KIF6: variants seen among roughly 807,000 people sequenced by gnomAD.
KIF6 encodes kinesin-like protein KIF6.
Under a neutral mutation model 112.7 loss-of-function variants are expected in KIF6, and 106 were observed. The ratio of observed to expected loss-of-function variants is 0.94; its 90% CI spans 0.80 to 1.11. KIF6 has a LOEUF of 1.11. Among genes scored for constraint, KIF6 ranks in the 50% least tolerant of loss-of-function variants. KIF6 has a pLI of 0.00. For synonymous variants in KIF6, 339 were observed against 339.9 expected (o/e 1.00, Z 0.03); for missense variants, 929 against 964.0 (o/e 0.96, Z 0.48).
chr6:39,369,870 C>T lies in KIF6; in HGVS notation c.1862-7352G>A, dbSNP rs1035358475. On this transcript the variant is annotated intron_variant, in intron 16 of 22. Transcript: ENST00000287152. ...TCTCCACGACTCCTTCTGCTGGAAC[C>T]CCAGATCCATCTTTTGGTTACTGGT... Among the ~76,000 whole-genome samples the T allele has an allele frequency of 4.6e-5, 7 of 152,304 alleles. No homozygotes were observed. The South Asian group carries it at 6.2e-4, about 14-fold the overall frequency.
intron 13 of KIF6, among the ~76,000 whole-genome samples, chr6:39,508,323 C>T: frequency 6.6e-6 from 1 of 151,914 alleles, no homozygotes; most frequent in East Asian, 1.9e-4. Context: ...TTCTGCATTT[C>T]CAGCTGGGGT....
intron 15 of KIF6, among the ~76,000 whole-genome samples, chr6:39,389,393 A>G (rs1767682479): frequency 6.6e-6 from 1 of 152,150 alleles, no homozygotes; most frequent in South Asian, 2.1e-4. Context: ...TGCCTCATTC[A>G]ACATGTTTAT....
At chr6:39,634,376 T>C (rs748860849) in intron 5 of KIF6, among the ~76,000 whole-genome samples, 29 of 152,146 alleles carry the variant, frequency 1.9e-4, no homozygotes, top group Non-Finnish European at 3.5e-4. Flanking sequence ...GATCAAATGA[T>C]TGCCAAAGTT....
chr6:39,693,529 C>T (rs1788345666), intron 3 of KIF6, among the ~76,000 whole-genome samples: 1 of 152,098 alleles, frequency 6.6e-6, no homozygotes, highest in Non-Finnish European at 1.5e-5. Context: ...TCAGGGACTA[C>T]TATGAACATC....
chr6:39,686,446 T>C (rs1379997521), intron 3 of KIF6, among the ~76,000 whole-genome samples: 1 of 152,186 alleles, frequency 6.6e-6, no homozygotes, highest in Non-Finnish European at 1.5e-5. Context: ...CTTTCTCTTA[T>C]AGTCTTAAAG....
At chr6:39,570,711 G>A (rs1374187809) in intron 10 of KIF6, among the ~76,000 whole-genome samples, 3 of 152,036 alleles carry the variant, frequency 2.0e-5, no homozygotes, top group African/African-American at 4.8e-5. Context: ...GAGATCTGAT[G>A]GTTTTATAAG....
intron 13 of KIF6, among the ~76,000 whole-genome samples, chr6:39,514,625 T>C (rs1184353836): frequency 6.6e-6 from 1 of 152,242 alleles, no homozygotes; most frequent in African/African-American, 2.4e-5. Context: ...GTATGCCCAC[T>C]AATATTTTCT....
chr6:39,337,756 G>T (rs755188987), intron 22 of KIF6, among the ~76,000 whole-genome samples: 10 of 152,268 alleles, frequency 6.6e-5, no homozygotes, highest in Admixed American at 1.3e-4. Context: ...GCATGGAGAG[G>T]GTTCTCTGGA....
intron 2 of KIF6, among the ~76,000 whole-genome samples, chr6:39,719,552 TC>T (rs1288660314): frequency 1.3e-5 from 2 of 152,004 alleles, no homozygotes; most frequent in Non-Finnish European, 2.9e-5. Flanking sequence ...GGCTCAAACT[TC>T]CCCAGAAATC....
chr6:39,427,380 T>C (rs1770845261), intron 14 of KIF6, among the ~76,000 whole-genome samples: 1 of 151,402 alleles, frequency 6.6e-6, no homozygotes, highest in African/African-American at 2.5e-5. Flanking sequence ...GCTTATGCAG[T>C]TATTTGTTTT....
At chr6:39,614,266 ATCT>A in intron 5 of KIF6, among the ~76,000 whole-genome samples, 1 of 152,328 alleles carries the variant, frequency 6.6e-6, no homozygotes, top group East Asian at 1.9e-4. Context: ...AGGAAAGGAA[ATCT>A]TATTATTCAC....
At chr6:39,466,683 T>C (rs771473154) in intron 13 of KIF6, among the ~76,000 whole-genome samples, 5 of 151,994 alleles carry the variant, frequency 3.3e-5, no homozygotes, top group African/African-American at 4.8e-5. Context: ...GGTTATGGTA[T>C]CTCCCTGGGA....
At chr6:39,493,517 A>T in intron 13 of KIF6, among the ~76,000 whole-genome samples, 2 of 152,354 alleles carry the variant, frequency 1.3e-5, no homozygotes, top group East Asian at 3.9e-4. Flanking sequence ...AGAATCAGGA[A>T]GCAGAGAAGC....
intron 13 of KIF6, among the ~76,000 whole-genome samples, chr6:39,517,194 G>T (rs1777135310): frequency 6.6e-6 from 1 of 152,120 alleles, no homozygotes; most frequent in Non-Finnish European, 1.5e-5. Context: ...CCTTTTTAAG[G>T]TTATCTCCTT....
At chr6:39,473,210 A>G (rs756842253) in intron 13 of KIF6, among the ~76,000 whole-genome samples, 8 of 152,298 alleles carry the variant, frequency 5.3e-5, no homozygotes, top group Non-Finnish European at 8.8e-5. Flanking sequence ...ACATTTTTCA[A>G]TCACTTACTG....
chr6:39,410,971 C>T (rs1769433268), intron 15 of KIF6, among the ~76,000 whole-genome samples: 1 of 152,178 alleles, frequency 6.6e-6, no homozygotes, highest in Non-Finnish European at 1.5e-5. Flanking sequence ...GGTTCCTGAC[C>T]CCAAAGCAGC....
rs967101128 is a variant in KIF6 at position 39,332,682 on chromosome 6, C to T, written c.*3850G>A. On this transcript the variant is annotated 3_prime_UTR_variant, in exon 23 of 23. Coordinates refer to ENST00000287152, the MANE Select transcript of KIF6 (RefSeq NM_145027.6). ...CTGCTTCCTCCTGGTGGTTCTTTCCCCTGCCTTGGGTAATTTCTTCACATG... is the reference window on the plus strand; with the variant it reads ...CTGCTTCCTCCTGGTGGTTCTTTCCTCTGCCTTGGGTAATTTCTTCACATG... 2.0e-5 allele frequency: 3 copies of T among 152,234 alleles called. No homozygotes were observed. Among genetic ancestry groups the T allele is most frequent in the African/African-American group, 7.2e-5 (3 of 41,452 alleles). 9.4% of individuals were successfully genotyped at this position (152,234 alleles called of 1,614,324 possible). A position where few individuals can be genotyped will look rare whatever the true frequency, so the allele number is the denominator to read the frequency against.
chr6:39,674,236 C>G (rs951438253), intron 3 of KIF6, among the ~76,000 whole-genome samples: 6 of 151,996 alleles, frequency 3.9e-5, no homozygotes, highest in African/African-American at 1.2e-4. Context: ...GAAAAATCAG[C>G]CTTGTGAAAC....
At chr6:39,584,765 T>C (rs542751579) in intron 9 of KIF6, 133 bp downstream of exon 9, 193 of 562,340 alleles carry the variant, frequency 3.4e-4, no homozygotes, top group Middle Eastern at 3.4e-3. Context: ...ATAGGTTATT[T>C]AGAGGATTAA....
Sources: gnomAD v4.1 joint callset for allele counts (sites outside exome capture counted in the v4.1 genomes callset) on GRCh38, gnomAD v4.1.1 for gene constraint, MANE v1.5 for transcripts, NCBI Gene and HGNC (gene_info 2026-07-23, HGNC 2026-07-21) for gene names.